Variants in OTOA observed in about 807,000 individuals in gnomAD.
OTOA encodes otoancorin, also known as cancer/testis antigen 108.
OTOA carries 70 observed loss-of-function variants against 110.8 expected under a neutral mutation model. The ratio of observed to expected loss-of-function variants is 0.63; its 90% confidence interval spans 0.52 to 0.77. The LOEUF is 0.77. Ranked by LOEUF, OTOA falls within the 30% of genes least tolerant of loss-of-function variation. OTOA has a pLI of 0.00. For missense variants in OTOA, 917 were observed against 1,075.8 expected (o/e 0.85, Z 2.06); for synonymous variants, 373 against 431.5 (o/e 0.86, Z 1.68).
chr16:21,709,550 A>G (rs1934222639), intron 12 of OTOA, among the ~76,000 whole-genome samples: 1 of 152,238 alleles, frequency 6.6e-6, no homozygotes, highest in South Asian at 2.1e-4. Context: ...CAAGGTCACC[A>G]GAGGACAACA....
At chr16:21,725,871 G>T (rs1898899582) in intron 18 of OTOA, among the ~76,000 whole-genome samples, 1 of 152,098 alleles carries the variant, frequency 6.6e-6, no homozygotes, top group Non-Finnish European at 1.5e-5. Context: ...AGCTTCAGTG[G>T]GTTACAGATC....
rs565433954 is a variant in OTOA, at chr16:21,669,507, C to T, written c.-5+5275C>T. ...GCTATGCTATCTGCACTCTAAAAGG[C>T]TTCTCAAGCTTAGTATGTCCAAAAC... is the stretch of plus-strand genomic sequence containing the variant. On this transcript the variant is annotated intron_variant, in intron 1 of 28. Transcript: ENST00000646100. Among the ~76,000 whole-genome samples the T allele has an allele frequency of 3.9e-5, 6 of 152,280 alleles. No individual in the cohort carries two copies. In the South Asian group the frequency reaches 1.2e-3, roughly 32 times the overall value.
Position 21,715,164 on chromosome 16 carries a change from A to T in OTOA, c.1488+12A>T. 1 of 1,614,022 alleles carries T rather than the reference A, an allele frequency of 6.2e-7. No homozygotes were observed. The highest frequency in any genetic ancestry group is 8.5e-7 in the Non-Finnish European group (1 of 1,179,936). ...GTATCCTCAGCAAGGTGAGAGGAAG[A>T]TGTCTGGTGCTCAGCCACATGTCAC... On this transcript the variant is annotated intron_variant, in intron 14 of 28. Transcript: ENST00000646100.
chr16:21,701,573 TG>T (rs1898053610), intron 11 of OTOA, among the ~76,000 whole-genome samples: 1 of 152,020 alleles, frequency 6.6e-6, no homozygotes, highest in Non-Finnish European at 1.5e-5. Context: ...GAGTGGGCAA[TG>T]GGAAGGAGGT....
chr16:21,718,442 G>A (rs924523237), intron 15 of OTOA, among the ~76,000 whole-genome samples: 17 of 152,210 alleles, frequency 1.1e-4, no homozygotes, highest in East Asian at 3.9e-4. Flanking sequence ...TTCCTCCATC[G>A]TCCATTCCTT....
intron 13 of OTOA, among the ~76,000 whole-genome samples, chr16:21,710,906 G>A (rs1415900923): frequency 8.5e-5 from 13 of 152,170 alleles, no homozygotes; most frequent in Non-Finnish European, 1.8e-4. Context: ...GGGAGGCTGA[G>A]GCAGGAGGAT....
At chr16:21,696,939 C>T (rs1172664928) in intron 9 of OTOA, among the ~76,000 whole-genome samples, 1 of 147,452 alleles carries the variant, frequency 6.8e-6, no homozygotes, top group Non-Finnish European at 1.5e-5. Flanking sequence ...CACTCTGTTG[C>T]CCAGGCTGGA....
chr16:21,681,112 C>A (rs940647708), intron 5 of OTOA, among the ~76,000 whole-genome samples: 1 of 152,108 alleles, frequency 6.6e-6, no homozygotes, highest in Non-Finnish European at 1.5e-5. Context: ...GTGTACCTAG[C>A]GTCTGCTTTT....
At chr16:21,679,275 A>G in intron 5 of OTOA, 64 bp downstream of exon 5, 1 of 1,536,470 alleles carries the variant, frequency 6.5e-7, no homozygotes, top group Admixed American at 1.7e-5. Context: ...TCTTAATGGA[A>G]GTCTCTTAAT....
rs143993346 is a variant in OTOA, at chr16:21,722,919, G to A, written c.1821G>A (p.Ala607=). 100 of 1,613,990 alleles carry A rather than the reference G, an allele frequency of 6.2e-5. No individual in the cohort carries two copies. Among genetic ancestry groups the A allele is most frequent in the African/African-American group, 1.7e-4 (13 of 74,908 alleles). ...LLSPYQVNCL[A]WKYWEVSRLS... is the part of the protein sequence containing the mutation. ...TAATCTTTCAGGTTAATTGTTTGGC[G>A]TGGAAATACTGGGAAGTTTCCAGAT... is the stretch of plus-strand genomic sequence containing the variant. The change falls in exon 18 of 29, where the codon GCG becomes GCA. Residue 607 remains alanine, a synonymous_variant. Coordinates refer to ENST00000646100, the MANE Select transcript of OTOA (RefSeq NM_144672.4).
intron 12 of OTOA, among the ~76,000 whole-genome samples, chr16:21,708,843 T>C (rs1898274389): frequency 6.6e-6 from 1 of 152,178 alleles, no homozygotes; most frequent in Non-Finnish European, 1.5e-5. Flanking sequence ...AGTAGGTGAC[T>C]TTATCACATT....
intron 12 of OTOA, 71 bp from the exon 13 acceptor site, chr16:21,709,817 C>T (rs1434716347): frequency 1.5e-6 from 2 of 1,351,416 alleles, no homozygotes; most frequent in East Asian, 2.3e-5. Context: ...TCCTAATAGC[C>T]CTGGATATGG....
intron 12 of OTOA, among the ~76,000 whole-genome samples, chr16:21,707,661 T>TTCTTTC (rs1567379637): frequency 1.0e-4 from 13 of 125,518 alleles, no homozygotes; most frequent in African/African-American, 3.7e-4. Flanking sequence ...TTCTTTCTCT[T>TTCTTTC]TCTTTCTCTT....
chr16:21,693,333 A>G (rs1897871200), intron 9 of OTOA, among the ~76,000 whole-genome samples: 2 of 152,150 alleles, frequency 1.3e-5, no homozygotes, highest in Non-Finnish European at 2.9e-5. Context: ...GATTAGCAAT[A>G]CAAACAATTT....
At chr16:21,723,754 C>A (rs1282152323) in intron 18 of OTOA, among the ~76,000 whole-genome samples, 4 of 152,136 alleles carry the variant, frequency 2.6e-5, no homozygotes, top group Non-Finnish European at 5.9e-5. Flanking sequence ...CTTGTCCCAG[C>A]TTTTCTCTGT....
chr16:21,703,501 T>TA (rs201114549), intron 11 of OTOA, among the ~76,000 whole-genome samples: 16 of 150,258 alleles, frequency 1.1e-4, no homozygotes, highest in South Asian at 4.2e-4. Context: ...TCCACCAAAT[T>TA]AAAAAAAAAA....
intron 17 of OTOA, among the ~76,000 whole-genome samples, chr16:21,720,923 C>T (rs367878997): frequency 1.9e-4 from 16 of 86,362 alleles, no homozygotes; most frequent in South Asian, 3.1e-4. Context: ...TTATTATTAT[C>T]ATTATTATTA....
chr16:21,683,733 A>G (rs1966940773), intron 6 of OTOA, among the ~76,000 whole-genome samples: 1 of 150,848 alleles, frequency 6.6e-6, no homozygotes, highest in African/African-American at 2.4e-5. Context: ...CAAAAAACAG[A>G]TGTCCAATTT....
intron 11 of OTOA, 146 bp downstream of exon 11, chr16:21,701,173 A>G: frequency 8.0e-7 from 1 of 1,255,766 alleles, no homozygotes; most frequent in South Asian, 1.3e-5. Flanking sequence ...TGTGCATGTG[A>G]GGAGAGGTGT....
Sources: allele counts gnomAD v4.1 joint callset (sites outside exome capture counted in the v4.1 genomes callset), GRCh38; gene constraint gnomAD v4.1.1; transcripts MANE v1.5; gene names NCBI Gene and HGNC (gene_info 2026-07-23, HGNC 2026-07-21).